The following C3orf70 variants were observed in gnomAD, a reference collection of about 807,000 sequenced individuals.
C3orf70 encodes chromosome 3 open reading frame 70.
Under a neutral mutation model 20.7 loss-of-function variants are expected in C3orf70, and 15 were observed. The ratio of observed to expected loss-of-function variants is 0.72; its 90% CI spans 0.48 to 1.11. The LOEUF (loss-of-function observed/expected upper bound fraction) is 1.11. C3orf70 is among the 50% of genes most tolerant of loss of function. C3orf70 has a pLI of 0.00. For missense variants in C3orf70, 332 were observed against 317.6 expected (o/e 1.05, Z -0.34); for synonymous variants, 161 against 125.7 (o/e 1.28, Z -1.88).
At chr3:185,127,268 T>G (rs992098541) in intron 1 of C3orf70, among the ~76,000 whole-genome samples, 2 of 152,172 alleles carry the variant, frequency 1.3e-5, no homozygotes, top group Non-Finnish European at 2.9e-5. Flanking sequence ...GGCCTAAAAA[T>G]GAGATAAATA....
chr3:185,104,884 G>C (rs1270134710), intron 1 of C3orf70, among the ~76,000 whole-genome samples: 1 of 152,160 alleles, frequency 6.6e-6, no homozygotes, highest in African/African-American at 2.4e-5. Flanking sequence ...TAATACCTGG[G>C]TGATGAAATA....
intron 1 of C3orf70, among the ~76,000 whole-genome samples, chr3:185,091,896 T>G: frequency 1.2e-5 from 1 of 85,414 alleles, no homozygotes; most frequent in Non-Finnish European, 2.2e-5. Flanking sequence ...TATACACACA[T>G]ACACACACAC....
rs932689992 is a variant in C3orf70, at chr3:185,134,418, G to T, written c.196+18210C>A. Among the ~76,000 whole-genome samples, 7 of 152,294 alleles carry T rather than the reference G, an allele frequency of 4.6e-5. No individual in the cohort carries two copies. In the South Asian group the frequency reaches 1.2e-3, roughly 27 times the overall value. ...AAACAGAAAAAGACTGAAAGGTGGG[G>T]AGAAGAAGCCTGACCAACTAGGAAC... On this transcript the variant is annotated intron_variant, in intron 1 of 1. Transcript: ENST00000335012.
At chr3:185,094,456 C>T (rs1561333072) in intron 1 of C3orf70, among the ~76,000 whole-genome samples, 2 of 152,004 alleles carry the variant, frequency 1.3e-5, no homozygotes, top group Non-Finnish European at 2.9e-5. Flanking sequence ...GTTGAATCCC[C>T]GGATGCAGAG....
rs114403220 is a variant in C3orf70 at position 185,114,835 on chromosome 3, G to A, written c.197-31272C>T. On this transcript the variant is annotated intron_variant, in intron 1 of 1. Transcript: ENST00000335012. ...CTCCAGACGTAAGACTATTGCTTTT[G>A]CAAATTCTTTTGTTGAACTAAAATT... Among the ~76,000 whole-genome samples the A allele has an allele frequency of 9.0e-3, 1,369 of 151,994 alleles. 16 individuals are homozygous for A. The highest frequency in any genetic ancestry group is 0.029 in the African/African-American group (1,201 of 41,414).
chr3:185,140,959 C>A (rs1466546665), intron 1 of C3orf70, among the ~76,000 whole-genome samples: 5 of 124,032 alleles, frequency 4.0e-5, no homozygotes, highest in Admixed American at 8.4e-5. Flanking sequence ...CAGAGTGAGA[C>A]CCTTGTCACC....
intron 1 of C3orf70, among the ~76,000 whole-genome samples, chr3:185,105,846 G>A (rs1715924235): frequency 6.6e-6 from 1 of 152,190 alleles, no homozygotes; most frequent in African/African-American, 2.4e-5. Context: ...AGGGGAGCTT[G>A]GAAGCGTCAG....
chr3:185,091,892 C>T (rs1403091127), intron 1 of C3orf70, among the ~76,000 whole-genome samples: 16 of 57,404 alleles, frequency 2.8e-4, no homozygotes, highest in African/African-American at 6.0e-4. Context: ...TATATATACA[C>T]ACATACACAC....
chr3:185,127,848 A>G (rs1324329034), intron 1 of C3orf70, among the ~76,000 whole-genome samples: 1 of 152,174 alleles, frequency 6.6e-6, no homozygotes, highest in African/African-American at 2.4e-5. Context: ...TAAAAAATTG[A>G]GACGTTGAAA....
intron 1 of C3orf70, among the ~76,000 whole-genome samples, chr3:185,102,197 A>G (rs764653536): frequency 2.6e-5 from 4 of 152,254 alleles, no homozygotes; most frequent in Non-Finnish European, 4.4e-5. Context: ...AAGCTCCTTC[A>G]GCTAATAAAC....
chr3:185,101,156 A>G lies in C3orf70; in HGVS notation c.197-17593T>C, dbSNP rs528001237. ...TGAAACTATTCCAATAAATTAAGGA[A>G]GAAGGACTCCTCCCTAACTTATTCT... On this transcript the variant is annotated intron_variant, in intron 1 of 1. Coordinates refer to ENST00000335012, the MANE Select transcript of C3orf70 (RefSeq NM_001025266.3). Among the ~76,000 whole-genome samples, 15 of 152,334 alleles carry G rather than the reference A, an allele frequency of 9.8e-5. No individual in the cohort carries two copies. The South Asian group carries it at 2.9e-3, about 29-fold the overall frequency.
chr3:185,133,612 C>G (rs1430798405), intron 1 of C3orf70, among the ~76,000 whole-genome samples: 1 of 151,974 alleles, frequency 6.6e-6, no homozygotes, highest in Non-Finnish European at 1.5e-5. Flanking sequence ...AGGCATGGTG[C>G]ACACCTGAAT....
At chr3:185,119,599 G>A (rs1716251204) in intron 1 of C3orf70, among the ~76,000 whole-genome samples, 1 of 152,136 alleles carries the variant, frequency 6.6e-6, no homozygotes, top group Non-Finnish European at 1.5e-5. Context: ...GAAAAGGCAT[G>A]TCTAAATAAT....
intron 1 of C3orf70, among the ~76,000 whole-genome samples, chr3:185,089,150 G>A (rs891335778): frequency 2.0e-5 from 3 of 152,182 alleles, no homozygotes; most frequent in African/African-American, 4.8e-5. Context: ...GCCAACTTGC[G>A]TTATAATTCC....
At chr3:185,142,939 C>CA (rs981788550) in intron 1 of C3orf70, among the ~76,000 whole-genome samples, 12 of 150,256 alleles carry the variant, frequency 8.0e-5, no homozygotes, top group African/African-American at 2.4e-4. Context: ...TTCAAGTCAT[C>CA]AAAAAAAAAG....
intron 1 of C3orf70, among the ~76,000 whole-genome samples, chr3:185,124,137 T>C (rs1261871444): frequency 6.6e-6 from 1 of 152,224 alleles, no homozygotes; most frequent in Non-Finnish European, 1.5e-5. Flanking sequence ...ATTTAAAGTA[T>C]ACAAGAGAAT....
intron 1 of C3orf70, among the ~76,000 whole-genome samples, chr3:185,110,136 T>C (rs1577325196): frequency 6.6e-6 from 1 of 152,222 alleles, no homozygotes; most frequent in South Asian, 2.1e-4. Flanking sequence ...TGGCCCGCTG[T>C]AGGAGCTAAA....
At chr3:185,123,498 TTTTC>T (rs1473801237) in intron 1 of C3orf70, among the ~76,000 whole-genome samples, 5 of 150,216 alleles carry the variant, frequency 3.3e-5, no homozygotes, top group African/African-American at 1.2e-4. Context: ...TTTGATATAT[TTTTC>T]TTTCCTTTTT....
chr3:185,149,492 G>A (rs774632429), intron 1 of C3orf70, among the ~76,000 whole-genome samples: 6 of 151,790 alleles, frequency 4.0e-5, no homozygotes, highest in Non-Finnish European at 8.8e-5. Flanking sequence ...GTGTGGTCCA[G>A]CTGTATTCAT....
Sources: allele counts gnomAD v4.1 joint callset (sites outside exome capture counted in the v4.1 genomes callset), GRCh38; gene constraint gnomAD v4.1.1; transcripts MANE v1.5; gene names NCBI Gene and HGNC (gene_info 2026-07-23, HGNC 2026-07-21).